Variants in EPHA5 observed in about 807,000 individuals in gnomAD.
EPHA5 encodes the protein ephrin type-A receptor 5.
Under a neutral mutation model 105.0 loss-of-function variants are expected in EPHA5, and 60 were observed. The ratio of observed to expected loss-of-function variants is 0.57; its 90% confidence interval spans 0.46 to 0.71. EPHA5 has a LOEUF of 0.71. Among genes scored for constraint, EPHA5 ranks in the 30% least tolerant of loss-of-function variants. The probability of loss-of-function intolerance (pLI) is 0.00; values close to 1 mark genes in which losing one functional copy is unlikely to be tolerated. For missense variants in EPHA5, 1,218 were observed against 1,274.7 expected (o/e 0.96, Z 0.68); for synonymous variants, 513 against 449.1 (o/e 1.14, Z -1.80).
chr4:65,574,353 G>C, intron 3 of EPHA5: 1 of 1,112,170 alleles, frequency 9.0e-7, no homozygotes, highest in East Asian at 2.9e-5. Context: ...TAATTAAATA[G>C]CTGACTACAA....
intron 8 of EPHA5, among the ~76,000 whole-genome samples, chr4:65,368,162 G>T (rs1456893028): frequency 6.6e-6 from 1 of 151,824 alleles, no homozygotes; most frequent in East Asian, 1.9e-4. Flanking sequence ...GATGCTTTTT[G>T]CTCTTCTCCA....
chr4:65,530,683 T>G (rs1258869936), intron 3 of EPHA5, among the ~76,000 whole-genome samples: 1 of 152,224 alleles, frequency 6.6e-6, no homozygotes, highest in Non-Finnish European at 1.5e-5. Context: ...ATAATTTTCT[T>G]GTTTCTGATT....
In EPHA5 at chr4:65,447,932, A is replaced by G. The variant is rs183096266; in HGVS notation, c.1403-27367T>C. Reference sequence around the variant, plus strand: ...AAAGTGTCAAAAGAATAAAGTAGAAAGAACAAGAACATAAGATTTAAAGAC... The same window carrying G: ...AAAGTGTCAAAAGAATAAAGTAGAAGGAACAAGAACATAAGATTTAAAGAC... On this transcript the variant is annotated intron_variant, in intron 5 of 16. Transcript: ENST00000613740. 2.8e-3 allele frequency among the ~76,000 whole-genome samples: 428 copies of G among 152,290 alleles called. 2 individuals carry two copies. Among genetic ancestry groups the G allele is most frequent in the Non-Finnish European group, 4.8e-3 (325 of 68,018 alleles).
intron 8 of EPHA5, among the ~76,000 whole-genome samples, chr4:65,388,104 G>C (rs966150601): frequency 2.0e-5 from 3 of 150,436 alleles, no homozygotes; most frequent in African/African-American, 7.3e-5. Flanking sequence ...TGCTGAGAAT[G>C]ATGATTTCCA....
intron 3 of EPHA5, among the ~76,000 whole-genome samples, chr4:65,521,088 C>A (rs538388748): frequency 1.3e-5 from 2 of 151,950 alleles, no homozygotes; most frequent in African/African-American, 4.8e-5. Context: ...ATGTTTATTG[C>A]GGCACTATTC....
chr4:65,576,075 AAAG>A (rs1413824553), intron 3 of EPHA5, among the ~76,000 whole-genome samples: 2 of 89,674 alleles, frequency 2.2e-5, no homozygotes, highest in Admixed American at 1.4e-4. Flanking sequence ...AAAGAAAAGA[AAAG>A]AAAAGAAAAG....
At chr4:65,545,946 A>G (rs773462102) in intron 3 of EPHA5, among the ~76,000 whole-genome samples, 1 of 151,946 alleles carries the variant, frequency 6.6e-6, no homozygotes, top group African/African-American at 2.4e-5. Context: ...TACTATACTC[A>G]GTGGTTTGTA....
intron 12 of EPHA5, 76 bp from the exon 13 acceptor site, chr4:65,351,674 C>T (rs1175535319): frequency 2.3e-6 from 3 of 1,304,100 alleles, no homozygotes; most frequent in Non-Finnish European, 2.2e-6. Flanking sequence ...TGTATTCAAT[C>T]CCCCAAATTG....
At chr4:65,511,755 T>A (rs919137184) in intron 3 of EPHA5, among the ~76,000 whole-genome samples, 3 of 152,214 alleles carry the variant, frequency 2.0e-5, no homozygotes, top group Admixed American at 6.5e-5. Context: ...TCATAGAACA[T>A]CTTTTAATAT....
intron 2 of EPHA5, among the ~76,000 whole-genome samples, chr4:65,603,340 G>C (rs1316762987): frequency 3.8e-5 from 1 of 26,644 alleles, no homozygotes; most frequent in Non-Finnish European, 8.9e-5. Flanking sequence ...TCTGAAGCCT[G>C]TAAAAAAATC....
intron 7 of EPHA5, among the ~76,000 whole-genome samples, chr4:65,405,097 A>AT (rs1722232519): frequency 6.6e-6 from 1 of 152,002 alleles, no homozygotes; most frequent in African/African-American, 2.4e-5. Flanking sequence ...AGTATAGAAA[A>AT]CTATCTTACG....
At chr4:65,423,920 T>C (rs1724173328) in intron 5 of EPHA5, among the ~76,000 whole-genome samples, 1 of 152,046 alleles carries the variant, frequency 6.6e-6, no homozygotes, top group East Asian at 1.9e-4. Flanking sequence ...TTAACTTGTG[T>C]ATATCTATAC....
Position 65,630,795 on chromosome 4 carries a change from A to G in EPHA5, c.246+12568T>C, listed in dbSNP as rs534554374. 7.2e-5 allele frequency among the ~76,000 whole-genome samples: 11 copies of G among 152,314 alleles called. No individual in the cohort carries two copies. The East Asian group carries it at 2.1e-3, about 29-fold the overall frequency. ...CAGAGAGAGAAAGCAACCCCTGCCT[A>G]GCTGAAGTCATTTTACATTAAATGA... On this transcript the variant is annotated intron_variant, in intron 2 of 16. Transcript: ENST00000613740.
intron 3 of EPHA5, among the ~76,000 whole-genome samples, chr4:65,576,046 GAA>G (rs71205386): frequency 1.4e-4 from 8 of 56,968 alleles, no homozygotes; most frequent in African/African-American, 4.9e-4. Context: ...AAGAAAGAAA[GAA>G]AGAAAGAAAG....
chr4:65,475,529 G>A (rs1206952008), intron 5 of EPHA5, among the ~76,000 whole-genome samples: 1 of 152,156 alleles, frequency 6.6e-6, no homozygotes, highest in Non-Finnish European at 1.5e-5. Context: ...CAACCACTGG[G>A]AAGGCTTTAA....
intron 2 of EPHA5, among the ~76,000 whole-genome samples, chr4:65,618,199 A>T (rs895886315): frequency 6.6e-6 from 1 of 152,158 alleles, no homozygotes; most frequent in Admixed American, 6.5e-5. Context: ...AACACATGCC[A>T]ATTCACTTGG....
At chr4:65,592,026 T>A (rs577981183) in intron 3 of EPHA5, among the ~76,000 whole-genome samples, 9 of 152,256 alleles carry the variant, frequency 5.9e-5, no homozygotes, top group South Asian at 2.1e-4. Context: ...TAATTTTTTT[T>A]AAAATTAAAC....
At chr4:65,409,982 G>A (rs931743787) in intron 7 of EPHA5, among the ~76,000 whole-genome samples, 11 of 152,238 alleles carry the variant, frequency 7.2e-5, no homozygotes, top group Middle Eastern at 6.8e-3. Context: ...TGATAGAGCC[G>A]TTTTGGAAAA....
chr4:65,622,956 T>G (rs1578610189), intron 2 of EPHA5, among the ~76,000 whole-genome samples: 1 of 152,152 alleles, frequency 6.6e-6, no homozygotes, highest in Non-Finnish European at 1.5e-5. Context: ...GTTAAGCCAG[T>G]GTATTAACAT....
Sources: gnomAD v4.1 joint callset for allele counts (sites outside exome capture counted in the v4.1 genomes callset) on GRCh38, gnomAD v4.1.1 for gene constraint, MANE v1.5 for transcripts, NCBI Gene and HGNC (gene_info 2026-07-23, HGNC 2026-07-21) for gene names.